Variants in GFRA2 observed in about 807,000 individuals in gnomAD.
The protein encoded by GFRA2 is GDNF family receptor alpha-2.
GFRA2 carries 17 observed loss-of-function variants against 48.3 expected under a neutral mutation model. The ratio of observed to expected loss-of-function variants is 0.35; its 90% CI spans 0.24 to 0.53. The LOEUF is 0.53. Ranked by LOEUF, GFRA2 falls within the 20% of genes least tolerant of loss-of-function variation. The probability of loss-of-function intolerance (pLI) is 0.93; values close to 1 mark genes in which losing one functional copy is unlikely to be tolerated. For synonymous variants in GFRA2, 305 were observed against 257.2 expected (o/e 1.19, Z -1.78); for missense variants, 660 against 637.3 (o/e 1.04, Z -0.38).
upstream of GFRA2, among the ~76,000 whole-genome samples, chr8:21,790,879 G>T (rs1463747097): frequency 6.6e-6 from 1 of 152,246 alleles, no homozygotes; most frequent in African/African-American, 2.4e-5. Flanking sequence ...TAGGTTAAAA[G>T]ATAAAACTTG....
At chr8:21,774,422 A>G (rs1355363467) in intron 3 of GFRA2, among the ~76,000 whole-genome samples, 1 of 151,244 alleles carries the variant, frequency 6.6e-6, no homozygotes, top group Admixed American at 6.6e-5. Context: ...TGGTTCAAGA[A>G]GAGCCCTCAA....
intron 3 of GFRA2, among the ~76,000 whole-genome samples, chr8:21,758,380 G>A (rs764996051): frequency 6.6e-6 from 1 of 152,142 alleles, no homozygotes; most frequent in Non-Finnish European, 1.5e-5. Flanking sequence ...AATCGCAAAT[G>A]TGCCTGTGGG....
intron 7 of GFRA2, among the ~76,000 whole-genome samples, chr8:21,702,121 GC>G (rs929649042): frequency 2.6e-5 from 4 of 152,194 alleles, no homozygotes; most frequent in African/African-American, 9.6e-5. Flanking sequence ...AGGACCCCAA[GC>G]CCCCTGCTTG....
rs182159406 is a variant in GFRA2, at chr8:21,697,102, G to T, written c.1219-2585C>A. ...AGATGGGACAGAGGAAAGGGGAAGG[G>T]ACAGAGGAGAGGGGAGGGGAGAGAA... On this transcript the variant is annotated intron_variant, in intron 7 of 8. Coordinates refer to ENST00000524240, the MANE Select transcript of GFRA2 (RefSeq NM_001495.5). 1.2e-4 allele frequency among the ~76,000 whole-genome samples: 17 copies of T among 147,794 alleles called. No homozygotes were observed. In the East Asian group the frequency reaches 3.0e-3, roughly 26 times the overall value.
intron 3 of GFRA2, among the ~76,000 whole-genome samples, chr8:21,755,278 G>T (rs1805513270): frequency 6.6e-6 from 1 of 152,046 alleles, no homozygotes; most frequent in African/African-American, 2.4e-5. Context: ...CCTCTATAGA[G>T]GGATGCTGAT....
At chr8:21,697,699 T>G (rs536904124) in intron 7 of GFRA2, among the ~76,000 whole-genome samples, 1 of 152,342 alleles carries the variant, frequency 6.6e-6, no homozygotes, top group South Asian at 2.1e-4. Flanking sequence ...CATCTTGAAT[T>G]GTAGCTCCTA....
In GFRA2 at chr8:21,788,123, G is replaced by A; in HGVS notation, c.37C>T (p.Leu13=). 1.9e-6 allele frequency: 3 copies of A among 1,569,794 alleles called. No individual in the cohort carries two copies. Among genetic ancestry groups the A allele is most frequent in the Admixed American group, 3.5e-5 (2 of 57,042 alleles). Residue 13 remains leucine, a synonymous_variant, in exon 1 of 9, where the codon CTA becomes TTA. Transcript: ENST00000524240. ...CTCGCCGCCCGCAGGTACTCACCTA[G>A]AAAGAAGAAGAGGCAGAAGACGTTT... ...LANVFCLFFF[L]DETLRSLASP... is the part of the protein sequence containing the mutation.
intron 7 of GFRA2, among the ~76,000 whole-genome samples, chr8:21,701,372 C>T (rs1304384845): frequency 6.6e-6 from 1 of 152,108 alleles, no homozygotes; most frequent in Non-Finnish European, 1.5e-5. Flanking sequence ...CCAGCCTGGG[C>T]GAGACTGCGA....
At chr8:21,725,342 G>A (rs1042311613) in intron 4 of GFRA2, among the ~76,000 whole-genome samples, 1 of 152,178 alleles carries the variant, frequency 6.6e-6, no homozygotes, top group African/African-American at 2.4e-5. Context: ...GAAGGGCCTC[G>A]GTGGCTTCAA....
intron 4 of GFRA2, among the ~76,000 whole-genome samples, chr8:21,726,360 G>A (rs1425672480): frequency 6.6e-6 from 1 of 152,228 alleles, no homozygotes; most frequent in African/African-American, 2.4e-5. Context: ...TTCTCTGGCT[G>A]GTGACAGCCC....
chr8:21,792,337 C>T (rs1051011398), upstream of GFRA2, among the ~76,000 whole-genome samples: 11 of 152,240 alleles, frequency 7.2e-5, no homozygotes, highest in East Asian at 2.1e-3. Context: ...TAAAAATCGA[C>T]CAGGAGTGAA....
chr8:21,726,419 T>G (rs1290301943), intron 4 of GFRA2, among the ~76,000 whole-genome samples: 1 of 152,080 alleles, frequency 6.6e-6, no homozygotes, highest in Non-Finnish European at 1.5e-5. Flanking sequence ...AGGGCAGCTG[T>G]AACAAATTAC....
Position 21,788,172 on chromosome 8 carries a change from C to T in GFRA2, c.-13G>A. The stretch of plus-strand genomic sequence containing the variant: ...TTGCCAAGATCATGTTAAATAAATC[C>T]CACCGTTTTTTTGTCTTTCTCCCTT... On this transcript the variant is annotated 5_prime_UTR_variant, in exon 1 of 9. Transcript: ENST00000524240. 1.2e-6 allele frequency: 2 copies of T among 1,600,780 alleles called. No individual in the cohort carries two copies. The highest frequency in any genetic ancestry group is 2.2e-5 in the South Asian group (2 of 89,260).
At chr8:21,802,317 T>C (rs1807786564) in intron 2 of GFRA2, among the ~76,000 whole-genome samples, 1 of 152,206 alleles carries the variant, frequency 6.6e-6, no homozygotes, top group African/African-American at 2.4e-5. Flanking sequence ...ACCTACTATG[T>C]TCCAGGCACT....
At chr8:21,704,774 C>T (rs1347485825) in intron 6 of GFRA2, among the ~76,000 whole-genome samples, 2 of 152,146 alleles carry the variant, frequency 1.3e-5, no homozygotes, top group Non-Finnish European at 2.9e-5. Flanking sequence ...AGGTTCAAGA[C>T]CTCTGGTGGT....
intron 3 of GFRA2, among the ~76,000 whole-genome samples, chr8:21,751,320 G>A (rs1563246855): frequency 6.6e-6 from 1 of 152,146 alleles, no homozygotes; most frequent in African/African-American, 2.4e-5. Context: ...TACAACGAGG[G>A]GGCCCCCGTG....
At chr8:21,804,036 T>A (rs1807815025) in intron 2 of GFRA2, among the ~76,000 whole-genome samples, 1 of 152,156 alleles carries the variant, frequency 6.6e-6, no homozygotes, top group African/African-American at 2.4e-5. Context: ...ATGAAGATAA[T>A]AAAGAACAAG....
chr8:21,781,112 AT>A (rs1806964230), intron 2 of GFRA2, among the ~76,000 whole-genome samples: 2 of 152,070 alleles, frequency 1.3e-5, no homozygotes, highest in South Asian at 4.1e-4. Flanking sequence ...AAATACACAA[AT>A]AAATAGCTCT....
rs1048282873 is a variant in GFRA2 at position 21,750,485 on chromosome 8, G to C, written c.794+103C>G. ...TTTGACACCCTTTCTGCTGGACTCA[G>C]GGTCATAATTCGATGCACCCAAGGA... On this transcript the variant is annotated intron_variant, in intron 4 of 8. Transcript: ENST00000524240. The surrounding 1 kb of genome is among the most constrained non-coding windows in gnomAD (Gnocchi z 5.7). 2 of 649,978 alleles carry C rather than the reference G, an allele frequency of 3.1e-6. No homozygotes were observed. The highest frequency in any genetic ancestry group is 5.6e-5 in the Admixed American group (2 of 35,844). The allele number at this position is 649,978 out of a possible 1,614,324, so 40.3% of individuals were successfully genotyped here.
Sources: allele counts gnomAD v4.1 joint callset (sites outside exome capture counted in the v4.1 genomes callset), GRCh38; gene constraint gnomAD v4.1.1; non-coding constraint Gnocchi (gnomAD v3.1); transcripts MANE v1.5; gene names NCBI Gene and HGNC (gene_info 2026-07-23, HGNC 2026-07-21).